Variants in SYT9 observed in about 807,000 individuals in gnomAD.
SYT9 encodes the protein synaptotagmin-9.
In SYT9, 22 loss-of-function variants were observed where a neutral mutation model predicts 48.4. That is an observed-to-expected ratio of 0.45 (90% CI 0.32 to 0.65). The LOEUF is 0.65. Ranked by LOEUF, SYT9 falls within the 30% of genes least tolerant of loss-of-function variation. The probability of loss-of-function intolerance (pLI) is 0.03; values close to 1 mark genes in which losing one functional copy is unlikely to be tolerated. For synonymous variants in SYT9, 265 were observed against 245.0 expected, an observed-to-expected ratio of 1.08 and a Z score of -0.76; for missense variants, 577 against 622.0, an observed-to-expected ratio of 0.93 and a Z score of 0.77.
intron 6 of SYT9, among the ~76,000 whole-genome samples, chr11:7,461,862 A>T (rs1590046596): frequency 6.6e-6 from 1 of 152,216 alleles, no homozygotes; most frequent in South Asian, 2.1e-4. Flanking sequence ...AAAATATGAC[A>T]GTCCTTGTCT....
intron 3 of SYT9, among the ~76,000 whole-genome samples, chr11:7,339,612 G>A (rs1033424504): frequency 2.0e-5 from 3 of 152,158 alleles, no homozygotes; most frequent in Admixed American, 2.0e-4. Flanking sequence ...TACTAGGGAA[G>A]CTTAGTTTGG....
At chr11:7,305,702 C>G (rs1336371553) in intron 2 of SYT9, among the ~76,000 whole-genome samples, 1 of 152,116 alleles carries the variant, frequency 6.6e-6, no homozygotes, top group South Asian at 2.1e-4. Context: ...TCATTATGTT[C>G]TTTACTTTCT....
chr11:7,389,220 GT>G (rs1440583420), intron 3 of SYT9, among the ~76,000 whole-genome samples: 1 of 152,062 alleles, frequency 6.6e-6, no homozygotes, highest in African/African-American at 2.4e-5. Context: ...GGTCCTGTGA[GT>G]CCTTCTAGTG....
At chr11:7,290,030 A>G (rs1209368740) in intron 1 of SYT9, among the ~76,000 whole-genome samples, 3 of 152,250 alleles carry the variant, frequency 2.0e-5, no homozygotes, top group African/African-American at 7.2e-5. Context: ...CAGCACAGAC[A>G]GATCCGTGAT....
At chr11:7,332,369 A>AT (rs1849552975) in intron 3 of SYT9, among the ~76,000 whole-genome samples, 1 of 152,222 alleles carries the variant, frequency 6.6e-6, no homozygotes, top group South Asian at 2.1e-4. Flanking sequence ...TTTCCCAAGA[A>AT]ATATAGAGCC....
chr11:7,369,326 GTTTT>G (rs746312090), intron 3 of SYT9, among the ~76,000 whole-genome samples: 3 of 133,098 alleles, frequency 2.3e-5, no homozygotes, highest in Admixed American at 7.3e-5. Flanking sequence ...GGTGTTGTTT[GTTTT>G]TTTTTTCTTG....
In SYT9 at chr11:7,252,131, G is replaced by A; in HGVS notation, c.-56G>A. On this transcript the variant is annotated 5_prime_UTR_variant, in exon 1 of 7. Transcript: ENST00000318881. This position sits in a 1 kb window ranked among gnomAD's most constrained non-coding sequence, Gnocchi z 6.3. Reference sequence around the variant, plus strand: ...AGGCGGCGGCTCTGAGCTGGCAGGCGGAGGGCTGTCTCCTGCGCCCGCCTG... The same window carrying A: ...AGGCGGCGGCTCTGAGCTGGCAGGCAGAGGGCTGTCTCCTGCGCCCGCCTG... 5 of 1,351,908 alleles carry A rather than the reference G, an allele frequency of 3.7e-6. No individual in the cohort carries two copies. Among genetic ancestry groups the A allele is most frequent in the Non-Finnish European group, 4.7e-6 (5 of 1,057,044 alleles). 83.7% of individuals were successfully genotyped at this position (1,351,908 alleles called of 1,614,324 possible).
upstream of SYT9, among the ~76,000 whole-genome samples, chr11:7,247,581 A>C (rs61880867): frequency 1.4e-5 from 2 of 146,688 alleles, no homozygotes; most frequent in African/African-American, 5.0e-5. Context: ...ACATATACAT[A>C]TATATGTGTA....
intron 3 of SYT9, among the ~76,000 whole-genome samples, chr11:7,414,690 A>G (rs74053647): frequency 0.012 from 1,809 of 149,974 alleles, 55 homozygotes; most frequent in African/African-American, 0.044. Flanking sequence ...CAAGCAATGC[A>G]TGATGCAAGA....
In SYT9 at chr11:7,391,735, TAA is replaced by T. The variant is rs71059104; in HGVS notation, c.1045-24278_1045-24277del. Among the ~76,000 whole-genome samples, 247 of 35,938 alleles carry T rather than the reference TAA, an allele frequency of 6.9e-3. 3 individuals are homozygous for T. Among genetic ancestry groups the T allele is most frequent in the South Asian group, 0.045 (21 of 466 alleles). The allele number at this position is 35,938 out of a possible 152,430, so 23.6% of individuals were successfully genotyped here. On this transcript the variant is annotated intron_variant, in intron 3 of 6. Coordinates refer to ENST00000318881, the MANE Select transcript of SYT9 (RefSeq NM_175733.4). ...GGACAACATGGTAAAACCCCATCTC[TAA>T]AAAAAAAAAAAAAAAAAAAAAAAAA...
chr11:7,410,903 G>A (rs954171804), intron 3 of SYT9, among the ~76,000 whole-genome samples: 2 of 151,964 alleles, frequency 1.3e-5, no homozygotes, highest in African/African-American at 4.8e-5. Flanking sequence ...CACCCAGGCT[G>A]GAGCGCAATG....
At chr11:7,384,180 T>C (rs1292677972) in intron 3 of SYT9, among the ~76,000 whole-genome samples, 1 of 152,158 alleles carries the variant, frequency 6.6e-6, no homozygotes, top group Non-Finnish European at 1.5e-5. Flanking sequence ...ATTATTGTTA[T>C]GTAAACATGA....
At chr11:7,321,766 G>A (rs1031778898) in intron 3 of SYT9, among the ~76,000 whole-genome samples, 1 of 152,188 alleles carries the variant, frequency 6.6e-6, no homozygotes, top group African/African-American at 2.4e-5. Context: ...ATTAAAGGGC[G>A]GGTTAATGCA....
At chr11:7,261,705 G>T (rs954689104) in intron 1 of SYT9, among the ~76,000 whole-genome samples, 1 of 152,064 alleles carries the variant, frequency 6.6e-6, no homozygotes, top group African/African-American at 2.4e-5. Context: ...CACGTAGCAG[G>T]GGGAAGAGCG....
chr11:7,363,305 A>T (rs543638196), intron 3 of SYT9, among the ~76,000 whole-genome samples: 13 of 152,304 alleles, frequency 8.5e-5, no homozygotes, highest in Non-Finnish European at 1.2e-4. Flanking sequence ...AATTAAATTG[A>T]GTACTTTTAA....
rs561907325 is a variant in SYT9, at chr11:7,332,018, G to A, written c.1044+18077G>A. Among the ~76,000 whole-genome samples, 32 of 152,302 alleles carry A rather than the reference G, an allele frequency of 2.1e-4. No individual in the cohort carries two copies. In the South Asian group the frequency reaches 5.2e-3, roughly 25 times the overall value. ...GAAACTAAAATAGCTCCAATATGGC[G>A]TGTGAATCTTAATTTGGAATTCCTG... On this transcript the variant is annotated intron_variant, in intron 3 of 6. Coordinates refer to ENST00000318881, the MANE Select transcript of SYT9 (RefSeq NM_175733.4).
In SYT9 at chr11:7,420,531, G is replaced by A. The variant is rs201637128; in HGVS notation, c.1363G>A (p.Val455Met). 108 of 1,613,976 alleles carry A rather than the reference G, an allele frequency of 6.7e-5. No individual in the cohort carries two copies. The East Asian group carries it at 1.3e-3, about 19-fold the overall frequency. ...TGTAGGTCACAATGAGATCATCGGC[G>A]TGTGTCAAGTAGGCAACGAGGCTGA... is the stretch of plus-strand genomic sequence containing the variant. ...DRVGHNEIIG[V>M]CQVGNEAERL... The change falls in exon 6 of 7, where the codon GTG (valine) becomes ATG (methionine). Residue 455 changes from valine to methionine, a missense_variant. Physicochemically the swap from Val to Met is conservative, Grantham distance 21 (BLOSUM62 1). Coordinates refer to ENST00000318881, the MANE Select transcript of SYT9 (RefSeq NM_175733.4).
At chr11:7,322,633 T>C (rs960193924) in intron 3 of SYT9, among the ~76,000 whole-genome samples, 1 of 152,152 alleles carries the variant, frequency 6.6e-6, no homozygotes, top group African/African-American at 2.4e-5. Flanking sequence ...TTAATAGCTT[T>C]TATTCTAGTG....
chr11:7,314,096 G>T, intron 3 of SYT9, 155 bp downstream of exon 3: 1 of 838,490 alleles, frequency 1.2e-6, no homozygotes, highest in East Asian at 2.6e-5. Flanking sequence ...TTCAGAAACA[G>T]GGTTTTAACA....
Sources: allele counts gnomAD v4.1 joint callset (sites outside exome capture counted in the v4.1 genomes callset), GRCh38; gene constraint gnomAD v4.1.1; non-coding constraint Gnocchi (gnomAD v3.1); transcripts MANE v1.5; gene names NCBI Gene and HGNC (gene_info 2026-07-23, HGNC 2026-07-21).